JAM3: variants seen among roughly 807,000 people sequenced by gnomAD.
The protein encoded by JAM3 is junctional adhesion molecule C.
JAM3 carries 31 observed loss-of-function variants against 39.4 expected under a neutral mutation model. The ratio of observed to expected loss-of-function variants is 0.79; its 90% CI spans 0.59 to 1.06. JAM3 has a LOEUF of 1.06. Among genes scored for constraint, JAM3 ranks in the 50% least tolerant of loss-of-function variants. The pLI is 0.00. For synonymous variants in JAM3, 182 were observed against 148.7 expected (o/e 1.22, Z -1.63); for missense variants, 455 against 391.4 (o/e 1.16, Z -1.37).
At chr11:134,129,767 C>T (rs1388371268) in intron 1 of JAM3, among the ~76,000 whole-genome samples, 4 of 152,118 alleles carry the variant, frequency 2.6e-5, no homozygotes, top group Admixed American at 1.3e-4. Context: ...TTTGGGAGGC[C>T]GAGGTGGGCA....
At chr11:134,124,059 C>G (rs1942590275) in intron 1 of JAM3, 3 of 1,461,286 alleles carry the variant, frequency 2.1e-6, no homozygotes, top group Admixed American at 1.7e-5. Context: ...TGGCTCTTCA[C>G]AGAATTTGGT....
rs1942560741 is a variant in JAM3 at position 134,122,742 on chromosome 11, A to G, written c.77-17109A>G. Among the ~76,000 whole-genome samples the G allele has an allele frequency of 2.0e-5, 3 of 152,232 alleles. 1 individual carries two copies. Among genetic ancestry groups the G allele is most frequent in the Non-Finnish European group, 4.4e-5 (3 of 68,046 alleles). On this transcript the variant is annotated intron_variant, in intron 1 of 8. Coordinates refer to ENST00000299106, the MANE Select transcript of JAM3 (RefSeq NM_032801.5). ...CACCACAAGCATTTCTCAAGTCGAA[A>G]ATATGTGAATTCGCTGCTATTTCTT...
At chr11:134,114,093 G>A (rs1331671090) in intron 1 of JAM3, among the ~76,000 whole-genome samples, 2 of 152,062 alleles carry the variant, frequency 1.3e-5, no homozygotes, top group African/African-American at 2.4e-5. Flanking sequence ...CTGGATATTA[G>A]CCCTTTGTCA....
chr11:134,148,566 A>T lies in JAM3; in HGVS notation c.732A>T (p.Gly244=). ...EMEVYDLNIG[G]IIGGVLVVLA... ...CTTCAGATGACCTGAACATTGGCGG[A>T]ATTATTGGGGGGGTTCTGGTTGTCC... is the stretch of plus-strand genomic sequence containing the variant. Residue 244 remains glycine (G), a synonymous_variant, in exon 7 of 9, where the codon GGA becomes GGT. Coordinates refer to ENST00000299106, the MANE Select transcript of JAM3 (RefSeq NM_032801.5). 6.2e-7 allele frequency: 1 copy of T among 1,614,054 alleles called. No homozygotes were observed. Among genetic ancestry groups the T allele is most frequent in the South Asian group, 1.1e-5 (1 of 91,062 alleles).
intron 1 of JAM3, among the ~76,000 whole-genome samples, chr11:134,112,208 T>A (rs1942326517): frequency 6.6e-6 from 1 of 152,124 alleles, no homozygotes; most frequent in South Asian, 2.1e-4. Flanking sequence ...TGCCTCAGCC[T>A]CCCAAGTAGC....
At chr11:134,146,144 A>G (rs1452724126) in intron 6 of JAM3, 99 bp downstream of exon 6, 3 of 864,950 alleles carry the variant, frequency 3.5e-6, no homozygotes, top group Middle Eastern at 2.6e-4. Context: ...CTCTTCCGCC[A>G]TGGGTTAGCT....
intron 1 of JAM3, among the ~76,000 whole-genome samples, chr11:134,076,909 AC>A (rs987604002): frequency 5.6e-5 from 8 of 141,848 alleles, no homozygotes; most frequent in African/African-American, 2.1e-4. Flanking sequence ...ATCTCGGCTC[AC>A]TGCAACCTCT....
At chr11:134,109,022 T>C (rs758262422) in intron 1 of JAM3, among the ~76,000 whole-genome samples, 2 of 152,070 alleles carry the variant, frequency 1.3e-5, no homozygotes, top group Non-Finnish European at 2.9e-5. Context: ...AGTGGCACAA[T>C]CTCAGCTCAC....
intron 1 of JAM3, among the ~76,000 whole-genome samples, chr11:134,104,157 G>C (rs533776857): frequency 6.6e-6 from 1 of 151,964 alleles, no homozygotes; most frequent in African/African-American, 2.4e-5. Flanking sequence ...TAACAAACTT[G>C]TCTCAGACCA....
chr11:134,124,375 G>A, intron 1 of JAM3: 3 of 659,476 alleles, frequency 4.5e-6, no homozygotes, highest in African/African-American at 1.8e-5. Flanking sequence ...GATGGGAAAA[G>A]TGAAAGAAAT....
chr11:134,149,293 A>G lies in JAM3; in HGVS notation c.*112A>G. 2 of 1,346,686 alleles carry G rather than the reference A, an allele frequency of 1.5e-6. No homozygotes were observed. The highest frequency in any genetic ancestry group is 1.4e-5 in the African/African-American group (1 of 69,762). The allele number at this position is 1,346,686 out of a possible 1,614,324, so 83.4% of individuals were successfully genotyped here. A position where few individuals can be genotyped will look rare whatever the true frequency, so the allele number is the denominator to read the frequency against. On this transcript the variant is annotated 3_prime_UTR_variant, in exon 9 of 9. Coordinates refer to ENST00000299106, the MANE Select transcript of JAM3 (RefSeq NM_032801.5). ...CTCGGACAGAGCTAGACACTCATTC[A>G]GAAGCTTTTCGTTTTGGCCAAAGTT... is the stretch of plus-strand genomic sequence containing the variant.
chr11:134,070,295 CT>C, intron 1 of JAM3: 1 of 438,226 alleles, frequency 2.3e-6, no homozygotes, highest in Non-Finnish European at 4.5e-6. Context: ...AGACCAGGAC[CT>C]TTTTCGGTTC....
intron 1 of JAM3, among the ~76,000 whole-genome samples, chr11:134,077,895 G>C (rs905557046): frequency 6.6e-6 from 1 of 151,358 alleles, no homozygotes; most frequent in Non-Finnish European, 1.5e-5. Flanking sequence ...CAGGTGATCC[G>C]CCCGCCTCGG....
chr11:134,125,371 A>T (rs896935917), intron 1 of JAM3, among the ~76,000 whole-genome samples: 1 of 152,212 alleles, frequency 6.6e-6, no homozygotes, highest in Non-Finnish European at 1.5e-5. Flanking sequence ...TACTCAAACA[A>T]TGGGATCTCC....
At chr11:134,112,843 A>G (rs1239478403) in intron 1 of JAM3, among the ~76,000 whole-genome samples, 1 of 152,128 alleles carries the variant, frequency 6.6e-6, no homozygotes, top group African/African-American at 2.4e-5. Flanking sequence ...CTCCAATATG[A>G]ATGGAGAGGG....
chr11:134,119,954 C>A (rs1942502965), intron 1 of JAM3, among the ~76,000 whole-genome samples: 2 of 152,078 alleles, frequency 1.3e-5, no homozygotes, highest in Admixed American at 1.3e-4. Flanking sequence ...TTGTCAGAAC[C>A]CATATTTGAT....
At chr11:134,074,638 C>A (rs991661420) in intron 1 of JAM3, among the ~76,000 whole-genome samples, 1 of 152,146 alleles carries the variant, frequency 6.6e-6, no homozygotes, top group African/African-American at 2.4e-5. Context: ...CCGGCCTCCC[C>A]CCTTCTTTTT....
At chr11:134,113,309 A>G (rs1013048435) in intron 1 of JAM3, among the ~76,000 whole-genome samples, 3 of 151,862 alleles carry the variant, frequency 2.0e-5, no homozygotes, top group African/African-American at 7.3e-5. Context: ...CGTCATTTAC[A>G]TTAGGTATAT....
At chr11:134,132,495 T>C (rs1478763737) in intron 1 of JAM3, among the ~76,000 whole-genome samples, 1 of 152,226 alleles carries the variant, frequency 6.6e-6, no homozygotes, top group Non-Finnish European at 1.5e-5. Context: ...TATTAAGATC[T>C]CCGATAAAGC....
Sources: allele counts gnomAD v4.1 joint callset (sites outside exome capture counted in the v4.1 genomes callset), GRCh38; gene constraint gnomAD v4.1.1; transcripts MANE v1.5; gene names NCBI Gene and HGNC (gene_info 2026-07-23, HGNC 2026-07-21).